Variants in CEACAM6 observed in about 807,000 individuals in gnomAD.
The protein encoded by CEACAM6 is CEA cell adhesion molecule 6.
Under a neutral mutation model 32.4 loss-of-function variants are expected in CEACAM6, and 21 were observed. The observed-to-expected ratio is 0.65, with a 90% CI of 0.46 to 0.93. The LOEUF is 0.93. Ranked by LOEUF, CEACAM6 falls within the 40% of genes least tolerant of loss-of-function variation. The pLI is 0.00. For missense variants in CEACAM6, 406 were observed against 432.2 expected (o/e 0.94, Z 0.54); for synonymous variants, 184 against 174.4 (o/e 1.06, Z -0.43).
At chr19:41,757,141 G>C (rs781906333) in intron 2 of CEACAM6, among the ~76,000 whole-genome samples, 182 bp downstream of exon 2, 14 of 152,056 alleles carry the variant, frequency 9.2e-5, no homozygotes, top group East Asian at 1.9e-4. Context: ...TCCTTTCCTG[G>C]ATCCAGACCC....
At position 41,766,175 on chromosome 19, in the gene CEACAM6, C is replaced by A; in HGVS notation, c.959-8C>A. The A allele has an allele frequency of 6.3e-7, 1 of 1,594,946 alleles. No homozygotes were observed. Among genetic ancestry groups the A allele is most frequent in the Non-Finnish European group, 8.5e-7 (1 of 1,170,986 alleles). ...TCACCTTCATTCCTTCTCTCTTCTT[C>A]CCACAAGGAAGTGCTCCTGTCCTCT... On this transcript the variant is annotated splice_polypyrimidine_tract_variant and splice_region_variant and intron_variant, in intron 4 of 5. Transcript: ENST00000199764.
chr19:41,761,832 C>G, intron 3 of CEACAM6, 137 bp from the exon 4 acceptor site: 1 of 1,161,278 alleles, frequency 8.6e-7, no homozygotes, highest in South Asian at 1.5e-5. Context: ...GACTTTGGCT[C>G]AGGGGACATA....
chr19:41,761,436 C>A lies in CEACAM6; in HGVS notation c.612C>A (p.Ser204Arg). 6.2e-7 allele frequency: 1 copy of A among 1,614,182 alleles called. No individual in the cohort carries two copies. The highest frequency in any genetic ancestry group is 8.5e-7 in the Non-Finnish European group (1 of 1,180,038). ...SNGNMTLTLL[S>R]VKRNDAGSYE... Reference sequence around the variant, plus strand: ...GCAACATGACCCTCACTCTACTCAGCGTCAAAAGGAACGATGCAGGATCCT... The same window carrying A: ...GCAACATGACCCTCACTCTACTCAGAGTCAAAAGGAACGATGCAGGATCCT... The change falls in exon 3 of 6, where the codon AGC (serine) becomes AGA (arginine). Residue 204 changes from serine (S) to arginine (R), a missense_variant. Coordinates refer to ENST00000199764, the MANE Select transcript of CEACAM6 (RefSeq NM_002483.7).
chr19:41,766,958 A>T (rs2122932252), intron 5 of CEACAM6, among the ~76,000 whole-genome samples: 1 of 145,380 alleles, frequency 6.9e-6, no homozygotes, highest in South Asian at 2.2e-4. Context: ...GTGAGCCGAG[A>T]TCGTGCCACT....
chr19:41,763,371 T>C (rs1289037234), intron 4 of CEACAM6, among the ~76,000 whole-genome samples: 1 of 152,050 alleles, frequency 6.6e-6, no homozygotes, highest in Non-Finnish European at 1.5e-5. Context: ...AGGATGTCCT[T>C]AAATAGCAAA....
At chr19:41,763,029 G>T (rs1209799947) in intron 4 of CEACAM6, among the ~76,000 whole-genome samples, 2 of 152,100 alleles carry the variant, frequency 1.3e-5, no homozygotes, top group Non-Finnish European at 2.9e-5. Context: ...TCAGCCATGG[G>T]GACTCTGCAT....
chr19:41,756,838 A>G lies in CEACAM6; in HGVS notation c.303A>G (p.Ile101Met). 1.2e-6 allele frequency: 2 copies of G among 1,614,154 alleles called. No individual in the cohort carries two copies. The highest frequency in any genetic ancestry group is 1.7e-6 in the Non-Finnish European group (2 of 1,180,010). ...PGPAYSGRET[I>M]YPNASLLIQN... is the part of the protein sequence containing the mutation. ...CCGCATACAGTGGTCGAGAGACAAT[A>G]TACCCCAATGCATCCCTGCTGATCC... Residue 101 changes from isoleucine to methionine, a missense_variant, in exon 2 of 6, where the codon ATA becomes ATG. Transcript: ENST00000199764.
At chr19:41,756,272 G>C (rs1372061983) in intron 1 of CEACAM6, among the ~76,000 whole-genome samples, 1 of 152,092 alleles carries the variant, frequency 6.6e-6, no homozygotes, top group Non-Finnish European at 1.5e-5. Flanking sequence ...AAAGACCCAG[G>C]GTCTGTAGAG....
At chr19:41,768,814 C>T (rs553104405) in intron 5 of CEACAM6, among the ~76,000 whole-genome samples, 1 of 152,264 alleles carries the variant, frequency 6.6e-6, no homozygotes, top group East Asian at 1.9e-4. Flanking sequence ...CGGGCAGAGG[C>T]GCCCCTCACC....
Position 41,762,010 on chromosome 19 carries a change from T to C in CEACAM6, c.745T>C (p.Tyr249His), listed in dbSNP as rs1256904283. 3 of 1,614,048 alleles carry C rather than the reference T, an allele frequency of 1.9e-6. No individual in the cohort carries two copies. The highest frequency in any genetic ancestry group is 2.5e-6 in the Non-Finnish European group (3 of 1,180,024). The change falls in exon 4 of 6, where the codon TAC (tyrosine) becomes CAC (histidine). Residue 249 changes from tyrosine to histidine, a missense_variant. Tyr to His is a moderately conservative substitution (Grantham distance 83). Transcript: ENST00000199764. ...VPTISPSKANYRPGENLNLSC... is the reference protein window; with the variant it reads ...VPTISPSKANHRPGENLNLSC... ...CACCATTTCCCCCTCAAAGGCCAAT[T>C]ACCGTCCAGGGGAAAATCTGAACCT...
At chr19:41,756,520 C>A (rs1214590641) in intron 1 of CEACAM6, 80 bp from the exon 2 acceptor site, 1 of 1,539,656 alleles carries the variant, frequency 6.5e-7, no homozygotes, top group African/African-American at 1.4e-5. Context: ...GTGAAGAGAC[C>A]TGCTCAGGAC....
In CEACAM6 at chr19:41,761,226, T is replaced by C. The variant is rs782332402; in HGVS notation, c.425-23T>C. The stretch of plus-strand genomic sequence containing the variant: ...GAATCAAAGGTGCCACACAGGGCAA[T>C]CTTCTCTCTGTTTTCTGCACAGCGG... On this transcript the variant is annotated intron_variant, in intron 2 of 5. Transcript: ENST00000199764. 7 of 1,613,922 alleles carry C rather than the reference T, an allele frequency of 4.3e-6. No individual in the cohort carries two copies. The South Asian group carries it at 5.5e-5, about 13-fold the overall frequency.
In CEACAM6 at chr19:41,761,514, C is replaced by A; in HGVS notation, c.690C>A (p.Thr230=). Residue 230 remains threonine (T), a synonymous_variant, in exon 3 of 6, where the codon ACC becomes ACA. Transcript: ENST00000199764. ...GTGCCAACCGCAGTGACCCAGTCAC[C>A]CTGAATGTCCTCTGTGAGTATCTTC... ...PASANRSDPV[T]LNVLYGPDVP... The A allele has an allele frequency of 1.2e-6, 2 of 1,614,030 alleles. No individual in the cohort carries two copies. Among genetic ancestry groups the A allele is most frequent in the African/African-American group, 1.3e-5 (1 of 75,016 alleles).
At chr19:41,757,044 G>A (rs1555821239) in intron 2 of CEACAM6, 85 bp downstream of exon 2, 1 of 1,533,722 alleles carries the variant, frequency 6.5e-7, no homozygotes, top group Admixed American at 2.1e-5. Context: ...TTGTGCCTGT[G>A]GCCCTCTCTG....
At chr19:41,770,035 C>A (rs1487702171) in intron 5 of CEACAM6, among the ~76,000 whole-genome samples, 1 of 151,366 alleles carries the variant, frequency 6.6e-6, no homozygotes, top group Non-Finnish European at 1.5e-5. Context: ...CTGAAGTCGG[C>A]CTTGGTTTGG....
intron 2 of CEACAM6, 39 bp from the exon 3 acceptor site, chr19:41,761,210 G>A (rs782389028): frequency 8.6e-5 from 139 of 1,613,714 alleles, no homozygotes; most frequent in Non-Finnish European, 1.2e-4. Context: ...GGAATCAAAG[G>A]TGCCACACAG....
At chr19:41,770,472 A>G (rs1436152407) in intron 5 of CEACAM6, among the ~76,000 whole-genome samples, 1 of 151,632 alleles carries the variant, frequency 6.6e-6, no homozygotes, top group Non-Finnish European at 1.5e-5. Context: ...ATAGGCCTAT[A>G]CTCCTATTCA....
At chr19:41,769,727 T>C (rs1219848406) in intron 5 of CEACAM6, among the ~76,000 whole-genome samples, 1 of 110,952 alleles carries the variant, frequency 9.0e-6, no homozygotes, top group Non-Finnish European at 2.3e-5. Flanking sequence ...AATATAGTTA[T>C]TAATATTAAT....
At chr19:41,768,692 C>G (rs1409919020) in intron 5 of CEACAM6, among the ~76,000 whole-genome samples, 2 of 152,132 alleles carry the variant, frequency 1.3e-5, no homozygotes, top group Non-Finnish European at 2.9e-5. Flanking sequence ...AGAGGCGCCC[C>G]TCACCTCCCA....
Sources: allele counts gnomAD v4.1 joint callset (sites outside exome capture counted in the v4.1 genomes callset), GRCh38; gene constraint gnomAD v4.1.1; transcripts MANE v1.5; gene names NCBI Gene and HGNC (gene_info 2026-07-23, HGNC 2026-07-21).